Variants in UGT1A1 observed in about 807,000 individuals in gnomAD.
The protein encoded by UGT1A1 is UDP-glucuronosyltransferase 1A1.
UGT1A1 carries 33 observed loss-of-function variants against 40.6 expected under a neutral mutation model. The ratio of observed to expected loss-of-function variants is 0.81; its 90% confidence interval spans 0.62 to 1.09. UGT1A1 has a LOEUF of 1.09. Ranked by LOEUF, UGT1A1 falls within the 50% of genes least tolerant of loss-of-function variation. UGT1A1 has a pLI of 0.00. For synonymous variants in UGT1A1, 249 were observed against 265.0 expected, an observed-to-expected ratio of 0.94 and a Z score of 0.59; for missense variants, 694 against 671.2, an observed-to-expected ratio of 1.03 and a Z score of -0.38.
chr2:233,770,217 G>T (rs1322403541), intron 4 of UGT1A1: 1 of 152,188 alleles, frequency 6.6e-6, no homozygotes, highest in Admixed American at 6.5e-5. Flanking sequence ...AGCCATCCCT[G>T]TCTGATTGTG....
chr2:233,769,226 G>A lies in UGT1A1; in HGVS notation c.1304+787G>A, dbSNP rs934586436. Among the ~76,000 whole-genome samples, 1 of 152,190 alleles carries A rather than the reference G, an allele frequency of 6.6e-6. No individual in the cohort carries two copies. The highest frequency in any genetic ancestry group is 2.4e-5 in the African/African-American group (1 of 41,452). On this transcript the variant is annotated intron_variant, in intron 4 of 4. Transcript: ENST00000305208. The surrounding 1 kb of genome is among the most constrained non-coding windows in gnomAD (Gnocchi z 4.4). ...TCACAGACAAAGTCTTAGAATAAGA[G>A]CAAAGGAAAATTTGCTCAAATGTGG...
intron 2 of UGT1A1, 120 bp from the exon 3 acceptor site, chr2:233,767,729 C>T: frequency 1.3e-6 from 2 of 1,560,058 alleles, no homozygotes; most frequent in Middle Eastern, 1.7e-4. Flanking sequence ...GTTACTGATC[C>T]TCCCACTCTG....
Position 233,772,820 on chromosome 2 carries a change from C to A in UGT1A1, c.*261C>A. On this transcript the variant is annotated 3_prime_UTR_variant, in exon 5 of 5. Coordinates refer to ENST00000305208, the MANE Select transcript of UGT1A1 (RefSeq NM_000463.3). ...TGCCATTTTTCAGAGGACGTGCAGACAGGCTGGCATTCTAGATTACTTTTC... is the reference window on the plus strand; with the variant it reads ...TGCCATTTTTCAGAGGACGTGCAGAAAGGCTGGCATTCTAGATTACTTTTC... 1 of 980,890 alleles carries A rather than the reference C, an allele frequency of 1.0e-6. No individual in the cohort carries two copies. The highest frequency in any genetic ancestry group is 1.4e-6 in the Non-Finnish European group (1 of 712,708). 60.8% of individuals were successfully genotyped at this position (980,890 alleles called of 1,614,324 possible).
At chr2:233,762,431 A>G (rs1698072328) in intron 1 of UGT1A1, among the ~76,000 whole-genome samples, 1 of 152,242 alleles carries the variant, frequency 6.6e-6, no homozygotes, top group Non-Finnish European at 1.5e-5. Context: ...ATAGAGTAAC[A>G]GTGTATTCCC....
chr2:233,768,231 A>T lies in UGT1A1; in HGVS notation c.1096A>T (p.Thr366Ser). ...PQNDLLGHPM[T>S]RAFITHAGSH... ...ATTTTGCATCTCAGGTCACCCGATG[A>T]CCCGTGCCTTTATCACCCATGCTGG... The change falls in exon 4 of 5, where the codon ACC (threonine) becomes TCC (serine). Residue 366 changes from threonine to serine, a missense_variant. Physicochemically the swap from Thr to Ser is moderately conservative, Grantham distance 58. Coordinates refer to ENST00000305208, the MANE Select transcript of UGT1A1 (RefSeq NM_000463.3). 1 of 1,614,162 alleles carries T rather than the reference A, an allele frequency of 6.2e-7. No individual in the cohort carries two copies. Among genetic ancestry groups the T allele is most frequent in the Middle Eastern group, 1.6e-4 (1 of 6,062 alleles).
Position 233,772,846 on chromosome 2 carries a change from T to G in UGT1A1, c.*287T>G. On this transcript the variant is annotated 3_prime_UTR_variant, in exon 5 of 5. Transcript: ENST00000305208. Reference sequence around the variant, plus strand: ...AGGCTGGCATTCTAGATTACTTTTCTTACTCTGAAACATGGCCTGTTTGGG... The same window carrying G: ...AGGCTGGCATTCTAGATTACTTTTCGTACTCTGAAACATGGCCTGTTTGGG... 1 of 808,400 alleles carries G rather than the reference T, an allele frequency of 1.2e-6. No homozygotes were observed. Among genetic ancestry groups the G allele is most frequent in the Non-Finnish European group, 1.8e-6 (1 of 570,574 alleles). The allele number at this position is 808,400 out of a possible 1,614,324, so 50.1% of individuals were successfully genotyped here.
Position 233,760,960 on chromosome 2 carries a change from G to C in UGT1A1, c.673G>C (p.Val225Leu), listed in dbSNP as rs144721642. The C allele has an allele frequency of 6.2e-7, 1 of 1,614,048 alleles. No homozygotes were observed. Among genetic ancestry groups the C allele is most frequent in the Non-Finnish European group, 8.5e-7 (1 of 1,180,042 alleles). Residue 225 changes from valine to leucine, a missense_variant, in exon 1 of 5, where the codon GTG (valine) becomes CTG (leucine). Transcript: ENST00000305208. ...CTTTTCACAGAACTTTCTGTGCGACGTGGTTTATTCCCCGTATGCAACCCT... is the reference window on the plus strand; with the variant it reads ...CTTTTCACAGAACTTTCTGTGCGACCTGGTTTATTCCCCGTATGCAACCCT... ...IAFSQNFLCD[V>L]VYSPYATLAS...
In UGT1A1 at chr2:233,772,290, A is replaced by G; in HGVS notation, c.1333A>G (p.Ser445Gly). The part of the protein sequence containing the change: ...SYKENIMRLS[S>G]LHKDRPVEPL... Reference sequence around the variant, plus strand: ...CAAGGAGAACATCATGCGCCTCTCCAGCCTTCACAAGGACCGCCCGGTGGA... The same window carrying G: ...CAAGGAGAACATCATGCGCCTCTCCGGCCTTCACAAGGACCGCCCGGTGGA... The change falls in exon 5 of 5, where the codon AGC (serine) becomes GGC (glycine). Residue 445 changes from serine (S) to glycine (G), a missense_variant. Ser to Gly is a moderately conservative substitution (Grantham distance 56). Coordinates refer to ENST00000305208, the MANE Select transcript of UGT1A1 (RefSeq NM_000463.3). The G allele has an allele frequency of 6.2e-7, 1 of 1,614,260 alleles. No individual in the cohort carries two copies. Among genetic ancestry groups the G allele is most frequent in the Non-Finnish European group, 8.5e-7 (1 of 1,180,044 alleles).
Position 233,768,378 on chromosome 2 carries a change from G to T in UGT1A1, c.1243G>T (p.Val415Phe). 6.2e-7 allele frequency: 1 copy of T among 1,614,156 alleles called. No homozygotes were observed. The highest frequency in any genetic ancestry group is 1.1e-5 in the South Asian group (1 of 91,088). ...ETKGAGVTLNVLEMTSEDLEN... is the reference protein window; with the variant it reads ...ETKGAGVTLNFLEMTSEDLEN... ...TAAGGGAGCTGGAGTGACCCTGAAT[G>T]TTCTGGAAATGACTTCTGAAGATTT... Residue 415 changes from valine (V) to phenylalanine (F), a missense_variant, in exon 4 of 5, where the codon GTT (valine) becomes TTT (phenylalanine). Transcript: ENST00000305208.
chr2:233,772,363 A>G lies in UGT1A1; in HGVS notation c.1406A>G (p.Lys469Arg). 1 of 1,614,238 alleles carries G rather than the reference A, an allele frequency of 6.2e-7. No homozygotes were observed. Among genetic ancestry groups the G allele is most frequent in the Non-Finnish European group, 8.5e-7 (1 of 1,180,044 alleles). Residue 469 changes from lysine to arginine, a missense_variant, in exon 5 of 5, where the codon AAG (lysine) becomes AGG (arginine). By Grantham distance (26) the Lys-to-Arg change is conservative. Coordinates refer to ENST00000305208, the MANE Select transcript of UGT1A1 (RefSeq NM_000463.3). ...TGGGTGGAGTTTGTGATGAGGCACA[A>G]GGGCGCGCCACACCTGCGCCCCGCA... Reference protein sequence around the residue: ...VFWVEFVMRHKGAPHLRPAAH... With the variant: ...VFWVEFVMRHRGAPHLRPAAH...
Position 233,760,970 on chromosome 2 carries a change from C to T in UGT1A1, c.683C>T (p.Ser228Phe), listed in dbSNP as rs767709240. ...AACTTTCTGTGCGACGTGGTTTATT[C>T]CCCGTATGCAACCCTTGCCTCAGAA... ...SQNFLCDVVY[S>F]PYATLASEFL... Residue 228 changes from serine (S) to phenylalanine (F), a missense_variant, in exon 1 of 5, where the codon TCC becomes TTC. Ser to Phe is a radical substitution (Grantham distance 155). Transcript: ENST00000305208. The T allele has an allele frequency of 1.2e-6, 2 of 1,614,170 alleles. No homozygotes were observed. Among genetic ancestry groups the T allele is most frequent in the South Asian group, 1.1e-5 (1 of 91,066 alleles).
In UGT1A1 at chr2:233,769,399, A is replaced by G. The variant is rs1699854887; in HGVS notation, c.1304+960A>G. The G allele has an allele frequency of 1.7e-6, 2 of 1,170,288 alleles. No homozygotes were observed. Among genetic ancestry groups the G allele is most frequent in the Non-Finnish European group, 2.5e-6 (2 of 810,196 alleles). 72.5% of individuals were successfully genotyped at this position (1,170,288 alleles called of 1,614,324 possible). A position where few individuals can be genotyped will look rare whatever the true frequency, so the allele number is the denominator to read the frequency against. On this transcript the variant is annotated intron_variant, in intron 4 of 4. Transcript: ENST00000305208. This position sits in a 1 kb window ranked among gnomAD's most constrained non-coding sequence, Gnocchi z 4.4. ...ATCCGACAATAGATACTGTGTGCAT[A>G]TGTGCGTGTGCGTTTGTGCATGTGG...
At chr2:233,762,715 C>T (rs1406790908) in intron 1 of UGT1A1, among the ~76,000 whole-genome samples, 19 of 149,510 alleles carry the variant, frequency 1.3e-4, no homozygotes, top group Middle Eastern at 3.4e-3. Flanking sequence ...GTATTTTACA[C>T]GGTTTTTTTT....
rs745603293 is a variant in UGT1A1, at chr2:233,772,357, G to A, written c.1400G>A (p.Arg467Lys). Residue 467 changes from arginine (R) to lysine (K), a missense_variant, in exon 5 of 5, where the codon AGG becomes AAG. Coordinates refer to ENST00000305208, the MANE Select transcript of UGT1A1 (RefSeq NM_000463.3). ...LAVFWVEFVM[R>K]HKGAPHLRPA... The stretch of plus-strand genomic sequence containing the variant: ...GTGTTCTGGGTGGAGTTTGTGATGA[G>A]GCACAAGGGCGCGCCACACCTGCGC... The A allele has an allele frequency of 1.4e-5, 22 of 1,614,268 alleles. No individual in the cohort carries two copies. The highest frequency in any genetic ancestry group is 1.8e-5 in the Non-Finnish European group (21 of 1,180,054).
rs753373133 is a variant in UGT1A1, at chr2:233,768,431, T to C, written c.1296T>C (p.Asn432=). The change falls in exon 4 of 5, where the codon AAT becomes AAC. Residue 432 remains asparagine (N), a synonymous_variant. Coordinates refer to ENST00000305208, the MANE Select transcript of UGT1A1 (RefSeq NM_000463.3). ...AAAATGCTCTAAAAGCAGTCATCAA[T>C]GACAAAAGGTAAGAAAGAAGATACA... The part of the protein sequence containing the change: ...DLENALKAVI[N]DKSYKENIMR... 2 of 1,613,926 alleles carry C rather than the reference T, an allele frequency of 1.2e-6. No homozygotes were observed. The highest frequency in any genetic ancestry group is 1.7e-6 in the Non-Finnish European group (2 of 1,179,924).
intron 1 of UGT1A1, among the ~76,000 whole-genome samples, chr2:233,766,177 G>A (rs937937765): frequency 5.3e-5 from 8 of 152,156 alleles, no homozygotes; most frequent in African/African-American, 1.9e-4. Context: ...AGGATTTATT[G>A]AGTGGATGTA....
At chr2:233,768,524 T>C (rs1008769562) in intron 4 of UGT1A1, 85 bp downstream of exon 4, 5 of 1,531,904 alleles carry the variant, frequency 3.3e-6, no homozygotes, top group Non-Finnish European at 4.4e-6. Context: ...ACGTAGCATT[T>C]AATAGCGTTG....
chr2:233,772,219 A>T, intron 4 of UGT1A1, 43 bp from the exon 5 acceptor site: 6 of 1,612,704 alleles, frequency 3.7e-6, no homozygotes, highest in Non-Finnish European at 5.1e-6. Context: ...GATTGTTCAT[A>T]CCACAGGTGT....
rs1697406226 is a variant in UGT1A1, at chr2:233,760,332, G to C, written c.45G>C (p.Leu15=). Residue 15 remains leucine, a synonymous_variant, in exon 1 of 5, where the codon CTG becomes CTC. Coordinates refer to ENST00000305208, the MANE Select transcript of UGT1A1 (RefSeq NM_000463.3). ...SQGGRPLVLG[L]LLCVLGPVVS... is the part of the protein sequence containing the mutation. Reference sequence around the variant, plus strand: ...GCGGACGCCCACTTGTCCTGGGCCTGCTGCTGTGTGTGCTGGGCCCAGTGG... The same window carrying C: ...GCGGACGCCCACTTGTCCTGGGCCTCCTGCTGTGTGTGCTGGGCCCAGTGG... 6.2e-7 allele frequency: 1 copy of C among 1,613,946 alleles called. No homozygotes were observed. Among genetic ancestry groups the C allele is most frequent in the African/African-American group, 1.3e-5 (1 of 74,948 alleles).
Sources: gnomAD v4.1 joint callset for allele counts (sites outside exome capture counted in the v4.1 genomes callset) on GRCh38, gnomAD v4.1.1 for gene constraint, Gnocchi (gnomAD v3.1) non-coding constraint, MANE v1.5 for transcripts, NCBI Gene and HGNC (gene_info 2026-07-23, HGNC 2026-07-21) for gene names.